ENPP3: variants seen among roughly 807,000 people sequenced by gnomAD.
ENPP3 encodes ectonucleotide pyrophosphatase/phosphodiesterase 3.
A neutral mutation model predicts 117.8 loss-of-function variants in ENPP3; 104 were observed. The ratio of observed to expected loss-of-function variants is 0.88; its 90% CI spans 0.75 to 1.04. ENPP3 has a LOEUF of 1.04. Ranked by LOEUF, ENPP3 falls within the 50% of genes least tolerant of loss-of-function variation. ENPP3 has a pLI of 0.00. For missense variants in ENPP3, 1,026 were observed against 1,051.9 expected (o/e 0.98, Z 0.34); for synonymous variants, 380 against 349.9 (o/e 1.09, Z -0.96).
intron 6 of ENPP3, among the ~76,000 whole-genome samples, chr6:131,664,674 G>T (rs993113261): frequency 2.0e-5 from 3 of 152,032 alleles, no homozygotes; most frequent in African/African-American, 7.2e-5. Flanking sequence ...TATTTTCACT[G>T]TACATTTTCT....
At chr6:131,677,974 A>T in intron 11 of ENPP3, 34 bp downstream of exon 11, 1 of 1,311,474 alleles carries the variant, frequency 7.6e-7, no homozygotes. Flanking sequence ...AAAAAAAAAA[A>T]TGTAAAATCA....
Position 131,738,167 on chromosome 6 carries a change from A to G in ENPP3, c.2300+4A>G. 1 of 1,609,902 alleles carries G rather than the reference A, an allele frequency of 6.2e-7. No homozygotes were observed. The highest frequency in any genetic ancestry group is 8.5e-7 in the Non-Finnish European group (1 of 1,178,120). On this transcript the variant is annotated splice_donor_region_variant and intron_variant, in intron 23 of 24. Transcript: ENST00000357639. ...ATGCTCCAGATGAAATTACCAAGTA[A>G]GTGATTTGACTTTTTGATTTATCAA...
At chr6:131,721,179 G>T (rs1780011796) in intron 17 of ENPP3, among the ~76,000 whole-genome samples, 1 of 152,176 alleles carries the variant, frequency 6.6e-6, no homozygotes. Context: ...CGTGCTTGTT[G>T]CAGGCCATTG....
chr6:131,701,905 A>AAAAAAG (rs1779544819), intron 15 of ENPP3, among the ~76,000 whole-genome samples: 2 of 102,130 alleles, frequency 2.0e-5, no homozygotes, highest in Admixed American at 9.2e-5. Context: ...AAAAGAAAAG[A>AAAAAAG]AAAAAAAAAC....
At chr6:131,646,303 TGTG>T (rs1054812228) in intron 2 of ENPP3, among the ~76,000 whole-genome samples, 1 of 151,894 alleles carries the variant, frequency 6.6e-6, no homozygotes, top group African/African-American at 2.4e-5. Flanking sequence ...TGTGTGTGTG[TGTG>T]TGTTGTTATT....
At chr6:131,678,958 T>TTTCTTTCTTTCTTTCTTTCTTTCC (rs780684077) in intron 11 of ENPP3, among the ~76,000 whole-genome samples, 95 of 82,894 alleles carry the variant, frequency 1.1e-3, no homozygotes, top group Admixed American at 1.1e-3. Flanking sequence ...TCTTTCTTTC[T>TTTCTTTCTTTCTTTCTTTCTTTCC]TTCCTTCCTT....
intron 14 of ENPP3, among the ~76,000 whole-genome samples, chr6:131,689,712 A>G (rs1779236061): frequency 6.6e-6 from 1 of 152,228 alleles, no homozygotes; most frequent in African/African-American, 2.4e-5. Context: ...AATACATTTC[A>G]TAAGACTATT....
At chr6:131,719,070 G>T (rs1779958424) in intron 16 of ENPP3, among the ~76,000 whole-genome samples, 1 of 152,110 alleles carries the variant, frequency 6.6e-6, no homozygotes, top group South Asian at 2.1e-4. Flanking sequence ...GGTAAATGCT[G>T]TGGGAAATAA....
chr6:131,737,274 A>G, intron 21 of ENPP3, 81 bp from the exon 22 acceptor site: 2 of 770,852 alleles, frequency 2.6e-6, no homozygotes, highest in East Asian at 5.1e-5. Flanking sequence ...TTATATTAAT[A>G]TGTAATAGTA....
rs1430533198 is a variant in ENPP3, at chr6:131,710,024, C to T, written c.1413-8648C>T. The T allele has an allele frequency of 1.1e-5, 18 of 1,610,204 alleles. No homozygotes were observed. Among genetic ancestry groups the T allele is most frequent in the African/African-American group, 1.3e-5 (1 of 74,718 alleles). ...ATAATAATGTGGTTTCTTTCTCCTT[C>T]TAAGCTTTTTAAAGAAACATTTAAC... On this transcript the variant is annotated intron_variant, in intron 15 of 24. Transcript: ENST00000357639.
intron 6 of ENPP3, among the ~76,000 whole-genome samples, chr6:131,658,758 A>C (rs2114337894): frequency 6.6e-6 from 1 of 152,330 alleles, no homozygotes; most frequent in South Asian, 2.1e-4. Flanking sequence ...AGCAAGGAGA[A>C]TATAGCGAGA....
At chr6:131,741,079 T>G (rs1323896717) in intron 24 of ENPP3, among the ~76,000 whole-genome samples, 1 of 152,142 alleles carries the variant, frequency 6.6e-6, no homozygotes, top group African/African-American at 2.4e-5. Flanking sequence ...GTAACATTCT[T>G]TTTTTAAACA....
chr6:131,666,304 G>A (rs932975130), intron 6 of ENPP3, among the ~76,000 whole-genome samples: 24 of 151,466 alleles, frequency 1.6e-4, no homozygotes, highest in African/African-American at 5.6e-4. Context: ...TTTGACTTTT[G>A]ACATTTGATT....
intron 20 of ENPP3, 85 bp downstream of exon 20, chr6:131,726,285 C>A: frequency 7.7e-7 from 1 of 1,297,430 alleles, no homozygotes. Context: ...TGTTTTGCAG[C>A]AGAGATTCAA....
At chr6:131,691,588 C>CAA (rs34849891) in intron 14 of ENPP3, among the ~76,000 whole-genome samples, 33 of 85,184 alleles carry the variant, frequency 3.9e-4, no homozygotes, top group African/African-American at 1.2e-3. Flanking sequence ...GACTCAGTCT[C>CAA]AAAAAAAAAA....
In ENPP3 at chr6:131,743,584, C is replaced by G. The variant is rs373155686; in HGVS notation, c.2458-3202C>G. Among the ~76,000 whole-genome samples, 3 of 152,158 alleles carry G rather than the reference C, an allele frequency of 2.0e-5. No individual in the cohort carries two copies. In the East Asian group the frequency reaches 5.8e-4, roughly 30 times the overall value. On this transcript the variant is annotated intron_variant, in intron 24 of 24. Coordinates refer to ENST00000357639, the MANE Select transcript of ENPP3 (RefSeq NM_005021.5). ...TAGTGGCTCACCTGTAATCACAGCA[C>G]TTTGGGAGGCCGAGGCAGGCACATC...
intron 14 of ENPP3, among the ~76,000 whole-genome samples, chr6:131,688,955 A>G (rs1414213154): frequency 6.6e-6 from 1 of 151,602 alleles, no homozygotes; most frequent in Non-Finnish European, 1.5e-5. Context: ...TATTCCAGCT[A>G]CTTGGGAGGC....
intron 18 of ENPP3, among the ~76,000 whole-genome samples, chr6:131,723,380 C>T (rs1016060075): frequency 3.9e-5 from 6 of 152,026 alleles, no homozygotes; most frequent in Admixed American, 1.3e-4. Context: ...GGTTTCCTAC[C>T]GACTGCTCCT....
At chr6:131,685,068 G>T (rs1268392315) in intron 12 of ENPP3, among the ~76,000 whole-genome samples, 1 of 152,156 alleles carries the variant, frequency 6.6e-6, no homozygotes, top group African/African-American at 2.4e-5. Flanking sequence ...ACAGGTGTGA[G>T]CCACGGAGCA....
Sources: allele counts gnomAD v4.1 joint callset (sites outside exome capture counted in the v4.1 genomes callset), GRCh38; gene constraint gnomAD v4.1.1; transcripts MANE v1.5; gene names NCBI Gene and HGNC (gene_info 2026-07-23, HGNC 2026-07-21).